PPFIA3: variants seen among roughly 807,000 people sequenced by gnomAD.
The protein encoded by PPFIA3 is liprin-alpha-3.
Under a neutral mutation model 145.8 loss-of-function variants are expected in PPFIA3, and 26 were observed. The ratio of observed to expected loss-of-function variants is 0.18; its 90% CI spans 0.13 to 0.25. The LOEUF (loss-of-function observed/expected upper bound fraction) is 0.25. Ranked by LOEUF, PPFIA3 falls within the 10% of genes least tolerant of loss-of-function variation. The pLI, the probability that PPFIA3 is intolerant of heterozygous loss-of-function variation, is 1.00. For synonymous variants in PPFIA3, 645 were observed against 661.4 expected, an observed-to-expected ratio of 0.98 and a Z score of 0.38; for missense variants, 1,008 against 1,587.8, an observed-to-expected ratio of 0.63 and a Z score of 6.21.
In PPFIA3 at chr19:49,134,732, T is replaced by C. The variant is rs1316836975; in HGVS notation, c.1440+31T>C. On this transcript the variant is annotated intron_variant, in intron 12 of 29. Coordinates refer to ENST00000334186, the MANE Select transcript of PPFIA3 (RefSeq NM_003660.4). ...GGGCCCTGAGGGGACAGGAGGAGGATGTTGGGGCAGTGGTTGCTGAGGCTA... is the reference window on the plus strand; with the variant it reads ...GGGCCCTGAGGGGACAGGAGGAGGACGTTGGGGCAGTGGTTGCTGAGGCTA... The C allele has an allele frequency of 2.5e-6, 4 of 1,612,532 alleles. No individual in the cohort carries two copies. The African/African-American group carries it at 4.0e-5, about 16-fold the overall frequency.
At position 49,136,839 on chromosome 19, in the gene PPFIA3, G is replaced by A; in HGVS notation, c.1781G>A (p.Ser594Asn). Residue 594 changes from serine to asparagine, a missense_variant, in exon 15 of 30, where the codon AGT becomes AAT. Physicochemically the swap from Ser to Asn is conservative, Grantham distance 46. Coordinates refer to ENST00000334186, the MANE Select transcript of PPFIA3 (RefSeq NM_003660.4). ...GMFGAELLSPSGQADVQTLAI... is the reference protein window; with the variant it reads ...GMFGAELLSPNGQADVQTLAI... ...TTTGGGGCCGAGCTGCTGTCCCCCA[G>A]TGGGCAGGCTGACGTGCAGACGCTG... 1 of 1,589,866 alleles carries A rather than the reference G, an allele frequency of 6.3e-7. No individual in the cohort carries two copies. The highest frequency in any genetic ancestry group is 1.1e-5 in the South Asian group (1 of 87,142).
intron 7 of PPFIA3, among the ~76,000 whole-genome samples, chr19:49,131,467 C>T (rs1247972570): frequency 1.3e-5 from 2 of 151,332 alleles, no homozygotes; most frequent in Non-Finnish European, 2.9e-5. Flanking sequence ...CAGGTGTGAG[C>T]CACTGCGTCC....
chr19:49,148,149 C>T lies in PPFIA3; in HGVS notation c.2902C>T (p.Pro968Ser). 4 of 1,614,224 alleles carry T rather than the reference C, an allele frequency of 2.5e-6. No individual in the cohort carries two copies. Among genetic ancestry groups the T allele is most frequent in the Non-Finnish European group, 3.4e-6 (4 of 1,180,038 alleles). The change falls in exon 24 of 30, where the codon CCC (proline) becomes TCC (serine). Residue 968 changes from proline (P) to serine (S), a missense_variant. Transcript: ENST00000334186. ...GNDWLPSLGL[P>S]QYRSYFMESL... ...CGACTGGCTGCCCAGCCTGGGGCTG[C>T]CCCAATACCGCAGCTACTTCATGGA...
chr19:49,139,684 A>G lies in PPFIA3; in HGVS notation c.2093A>G (p.Glu698Gly). Reference protein sequence around the residue: ...GTDKANHVPKEEAGAPRGEGP... With the variant: ...GTDKANHVPKGEAGAPRGEGP... ...TGTCCTCAGAATCATGTCCCTAAGG[A>G]GGAAGCTGGAGCTCCACGAGGGGAG... Residue 698 changes from glutamate (E) to glycine (G), a missense_variant, in exon 17 of 30, where the codon GAG (glutamate) becomes GGG (glycine). Coordinates refer to ENST00000334186, the MANE Select transcript of PPFIA3 (RefSeq NM_003660.4). The G allele has an allele frequency of 6.2e-7, 1 of 1,605,722 alleles. No individual in the cohort carries two copies. The highest frequency in any genetic ancestry group is 8.5e-7 in the Non-Finnish European group (1 of 1,175,984).
Position 49,141,498 on chromosome 19 carries a change from G to A in PPFIA3, c.2447G>A (p.Arg816Gln), listed in dbSNP as rs1259834911. Residue 816 changes from arginine to glutamine, a missense_variant, in exon 19 of 30, where the codon CGA becomes CAA. Arg to Gln is a conservative substitution (Grantham distance 43). This residue lies in a region of PPFIA3 where 154 missense variants were observed against 369.2 expected (regional missense o/e 0.42). Coordinates refer to ENST00000334186, the MANE Select transcript of PPFIA3 (RefSeq NM_003660.4). Reference protein sequence around the residue: ...AKLTGPGDKDRRNKRKHELLE... With the variant: ...AKLTGPGDKDQRNKRKHELLE... ...CTGACAGGCCCAGGAGACAAGGACC[G>A]AAGGAACAAGAGGAAGTGAGTGTGT... 2 of 1,613,684 alleles carry A rather than the reference G, an allele frequency of 1.2e-6. No individual in the cohort carries two copies. The highest frequency in any genetic ancestry group is 2.2e-5 in the East Asian group (1 of 44,880).
chr19:49,141,583 C>CGTGT (rs112961847), intron 19 of PPFIA3, 70 bp downstream of exon 19: 550,118 of 1,216,654 alleles, frequency 0.45, 131,282 homozygotes, highest in African/African-American at 0.66. Context: ...TGTGTGTGTG[C>CGTGT]GTGTATGTGT....
At chr19:49,148,301 C>A (rs2041302982) in intron 24 of PPFIA3, 43 bp downstream of exon 24, 1 of 1,580,706 alleles carries the variant, frequency 6.3e-7, no homozygotes, top group Middle Eastern at 1.7e-4. Context: ...AAGGGAAGCC[C>A]CACCCCAGAG....
intron 25 of PPFIA3, 102 bp from the exon 26 acceptor site, chr19:49,148,891 G>T (rs1289072840): frequency 6.4e-7 from 1 of 1,569,442 alleles, no homozygotes; most frequent in Non-Finnish European, 8.7e-7. Flanking sequence ...AGCCAGCGTG[G>T]GGGGCGTGGC....
rs758954651 is a variant in PPFIA3 at position 49,142,128 on chromosome 19, A to G, written c.2544+13A>G. ...GTCCTGGCTGGAGGTACTGGGGCCCAGAAATGCCCTGACTGTTGGTCCCCA... is the reference window on the plus strand; with the variant it reads ...GTCCTGGCTGGAGGTACTGGGGCCCGGAAATGCCCTGACTGTTGGTCCCCA... On this transcript the variant is annotated intron_variant, in intron 20 of 29. Transcript: ENST00000334186. 16 of 1,561,686 alleles carry G rather than the reference A, an allele frequency of 1.0e-5. No individual in the cohort carries two copies. Among genetic ancestry groups the G allele is most frequent in the Middle Eastern group, 1.7e-4 (1 of 5,800 alleles).
In PPFIA3 at chr19:49,129,366, G is replaced by T. The variant is rs748241054; in HGVS notation, c.508-14G>T. ...CTTGTCTCCAGCTGACTGTTGCCCT[G>T]CCCCGATCCCCAGGTCCGGGAGCGG... On this transcript the variant is annotated splice_polypyrimidine_tract_variant and intron_variant, in intron 4 of 29. Coordinates refer to ENST00000334186, the MANE Select transcript of PPFIA3 (RefSeq NM_003660.4). The T allele has an allele frequency of 6.5e-7, 1 of 1,549,246 alleles. No homozygotes were observed. The highest frequency in any genetic ancestry group is 1.2e-5 in the South Asian group (1 of 83,964).
Position 49,141,437 on chromosome 19 carries a change from G to A in PPFIA3, c.2386G>A (p.Glu796Lys). Residue 796 changes from glutamate (E) to lysine (K), a missense_variant, in exon 19 of 30, where the codon GAG becomes AAG. Physicochemically the swap from Glu to Lys is moderately conservative, Grantham distance 56. Coordinates refer to ENST00000334186, the MANE Select transcript of PPFIA3 (RefSeq NM_003660.4). ...SSSLAGTPSD[E>K]TLATDPLGLA... ...GCCTCCAGCTGGAACACCCTCAGAT[G>A]AGACACTGGCCACTGACCCTCTGGG... The A allele has an allele frequency of 6.2e-7, 1 of 1,613,988 alleles. No homozygotes were observed. Among genetic ancestry groups the A allele is most frequent in the Non-Finnish European group, 8.5e-7 (1 of 1,179,956 alleles).
At position 49,149,857 on chromosome 19, in the gene PPFIA3, T is replaced by A. The variant is rs1343382386; in HGVS notation, c.3526+139T>A. 8.3e-7 allele frequency: 1 copy of A among 1,207,148 alleles called. No individual in the cohort carries two copies. The highest frequency in any genetic ancestry group is 2.6e-5 in the Admixed American group (1 of 37,862). The allele number at this position is 1,207,148 out of a possible 1,614,324, so 74.8% of individuals were successfully genotyped here. A position where few individuals can be genotyped will look rare whatever the true frequency, so the allele number is the denominator to read the frequency against. On this transcript the variant is annotated intron_variant, in intron 28 of 29. Transcript: ENST00000334186. The surrounding 1 kb of genome is among the most constrained non-coding windows in gnomAD (Gnocchi z 5.7). ...AATGGACTGCTCCAACGTTCCGGAC[T>A]CCCCCGTCAGGATGAAATGGATAAA...
rs1004424599 is a variant in PPFIA3 at position 49,130,224 on chromosome 19, C to A, written c.658-154C>A. Among the ~76,000 whole-genome samples, 40 of 152,328 alleles carry A rather than the reference C, an allele frequency of 2.6e-4. No individual in the cohort carries two copies. Among genetic ancestry groups the A allele is most frequent in the Admixed American group, 2.5e-3 (38 of 15,306 alleles). On this transcript the variant is annotated intron_variant, in intron 6 of 29. Transcript: ENST00000334186. The surrounding 1 kb of genome is among the most constrained non-coding windows in gnomAD (Gnocchi z 4.5). ...CCTCTGATTCAGGTCACCTAGCGAA[C>A]TTCTGTGACCTCCTTCACTGACCCC...
chr19:49,138,310 C>G lies in PPFIA3; in HGVS notation c.1959C>G (p.Cys653Trp). Residue 653 changes from cysteine to tryptophan, a missense_variant, in exon 16 of 30, where the codon TGC becomes TGG. Cys to Trp is a radical substitution (Grantham distance 215, BLOSUM62 -2). Around this residue, in one of 11 missense-constraint regions of PPFIA3, gnomAD observed 202 missense variants for 241.8 expected, o/e 0.84. Transcript: ENST00000334186. ...CGTTGGGCCGCTACCGCAGCAGCTG[C>G]TCCCTGCCCCCCTCCCTCACCACCT... ...LDSLGRYRSS[C>W]SLPPSLTTST... The G allele has an allele frequency of 6.2e-7, 1 of 1,613,146 alleles. No individual in the cohort carries two copies. The highest frequency in any genetic ancestry group is 1.1e-5 in the South Asian group (1 of 91,012).
At position 49,127,911 on chromosome 19, in the gene PPFIA3, G is replaced by C. The variant is rs1454579059; in HGVS notation, c.38G>C (p.Gly13Ala). The C allele has an allele frequency of 6.3e-7, 1 of 1,592,718 alleles. No individual in the cohort carries two copies. The highest frequency in any genetic ancestry group is 1.1e-5 in the South Asian group (1 of 90,690). Residue 13 changes from glycine to alanine, a missense_variant, in exon 2 of 30, where the codon GGC becomes GCC. By Grantham distance (60) the Gly-to-Ala change is moderately conservative. Coordinates refer to ENST00000334186, the MANE Select transcript of PPFIA3 (RefSeq NM_003660.4). Reference sequence around the variant, plus strand: ...GTGATGCCCACCATCAGCGAGGATGGCCGGCGGGGCTCGGCGCTGGGCCCG... The same window carrying C: ...GTGATGCCCACCATCAGCGAGGATGCCCGGCGGGGCTCGGCGCTGGGCCCG... ...CEVMPTISED[G>A]RRGSALGPDE...
Position 49,141,458 on chromosome 19 carries a change from C to G in PPFIA3, c.2407C>G (p.Leu803Val). The change falls in exon 19 of 30, where the codon CTG (leucine) becomes GTG (valine). Residue 803 changes from leucine (L) to valine (V), a missense_variant. Coordinates refer to ENST00000334186, the MANE Select transcript of PPFIA3 (RefSeq NM_003660.4). ...AGATGAGACACTGGCCACTGACCCTCTGGGGCTAGCCAAGCTGACAGGCCC... is the reference window on the plus strand; with the variant it reads ...AGATGAGACACTGGCCACTGACCCTGTGGGGCTAGCCAAGCTGACAGGCCC... ...PSDETLATDPLGLAKLTGPGD... is the reference protein window; with the variant it reads ...PSDETLATDPVGLAKLTGPGD... 1 of 1,614,102 alleles carries G rather than the reference C, an allele frequency of 6.2e-7. No homozygotes were observed. The highest frequency in any genetic ancestry group is 2.2e-5 in the East Asian group (1 of 44,868).
Position 49,130,279 on chromosome 19 carries a change from G to C in PPFIA3, c.658-99G>C, listed in dbSNP as rs1263805995. On this transcript the variant is annotated intron_variant, in intron 6 of 29. Transcript: ENST00000334186. This position sits in a 1 kb window ranked among gnomAD's most constrained non-coding sequence, Gnocchi z 4.5. ...GACTCTGACCAGCATGATCCTTATT[G>C]ATCTTTGATCTACTTTCAGCTGATT... 3 of 1,283,530 alleles carry C rather than the reference G, an allele frequency of 2.3e-6. No homozygotes were observed. The highest frequency in any genetic ancestry group is 3.0e-5 in the African/African-American group (2 of 67,216). 79.5% of individuals were successfully genotyped at this position (1,283,530 alleles called of 1,614,324 possible).
intron 18 of PPFIA3, among the ~76,000 whole-genome samples, chr19:49,140,514 A>G (rs2041206633): frequency 6.6e-6 from 1 of 151,034 alleles, no homozygotes; most frequent in South Asian, 2.1e-4. Context: ...ATGCCTGGCT[A>G]ATTTTTTTGT....
Position 49,131,530 on chromosome 19 carries a change from G to A in PPFIA3, c.879+931G>A, listed in dbSNP as rs568906021. ...ATTTCACCCCTTTCTGGCTTAGGCCGCTTTATCCTAATCCCAGTGACCCCA... is the reference window on the plus strand; with the variant it reads ...ATTTCACCCCTTTCTGGCTTAGGCCACTTTATCCTAATCCCAGTGACCCCA... On this transcript the variant is annotated intron_variant, in intron 7 of 29. Coordinates refer to ENST00000334186, the MANE Select transcript of PPFIA3 (RefSeq NM_003660.4). Among the ~76,000 whole-genome samples, 13 of 151,932 alleles carry A rather than the reference G, an allele frequency of 8.6e-5. No individual in the cohort carries two copies. The East Asian group carries it at 1.7e-3, about 20-fold the overall frequency.
Sources: allele counts gnomAD v4.1 joint callset (sites outside exome capture counted in the v4.1 genomes callset), GRCh38; gene constraint gnomAD v4.1.1; regional missense constraint gnomAD v4.1.1; non-coding constraint Gnocchi (gnomAD v3.1); transcripts MANE v1.5; gene names NCBI Gene and HGNC (gene_info 2026-07-23, HGNC 2026-07-21).